HCRTR2: variants seen among roughly 807,000 people sequenced by gnomAD.
The protein encoded by HCRTR2 is orexin receptor type 2.
Under a neutral mutation model 49.0 loss-of-function variants are expected in HCRTR2, and 22 were observed. That is an observed-to-expected ratio of 0.45 (90% confidence interval 0.32 to 0.64). The LOEUF is 0.64. Ranked by LOEUF, HCRTR2 falls within the 30% of genes least tolerant of loss-of-function variation. HCRTR2 has a pLI of 0.04. For missense variants in HCRTR2, 491 were observed against 559.4 expected (o/e 0.88, Z 1.23); for synonymous variants, 236 against 205.3 (o/e 1.15, Z -1.28).
chr6:55,277,427 G>T lies in HCRTR2; in HGVS notation c.810G>T (p.Gln270His), dbSNP rs1057026621. 1 of 1,614,126 alleles carries T rather than the reference G, an allele frequency of 6.2e-7. No individual in the cohort carries two copies. The highest frequency in any genetic ancestry group is 2.2e-5 in the East Asian group (1 of 44,852). The change falls in exon 5 of 7, where the codon CAG becomes CAT. Residue 270 changes from glutamine to histidine, a missense_variant. By Grantham distance (24) the Gln-to-His change is conservative. Coordinates refer to ENST00000370862, the MANE Select transcript of HCRTR2 (RefSeq NM_001384272.1). ...TTCAGAGAAAATGGAAGCCCCTGCA[G>T]CCTGTTTCACAGCCTCGAGGGCCAG... ...SVVQRKWKPL[Q>H]PVSQPRGPGQ...
chr6:55,119,485 G>C (rs888929386), intron 1 of HCRTR2, among the ~76,000 whole-genome samples: 8 of 151,996 alleles, frequency 5.3e-5, no homozygotes, highest in Non-Finnish European at 1.0e-4. Context: ...TAACTGGCAT[G>C]GGATGGTATC....
chr6:55,122,733 A>T (rs1764218637), intron 1 of HCRTR2, among the ~76,000 whole-genome samples: 1 of 152,076 alleles, frequency 6.6e-6, no homozygotes, highest in Admixed American at 6.6e-5. Context: ...TCCAACAATG[A>T]TAGACTGGAT....
Position 55,174,655 on chromosome 6 carries a change from A to T in HCRTR2, c.68A>T (p.Glu23Val). ...RNWSSASELN[E>V]TQEPFLNPTD... is the part of the protein sequence containing the mutation. ...TGGTCATCTGCTTCGGAGCTGAATG[A>T]AACTCAAGAGCCCTTTTTAAACCCC... Residue 23 changes from glutamate (E) to valine (V), a missense_variant, in exon 1 of 7, where the codon GAA becomes GTA. Physicochemically the swap from Glu to Val is moderately radical, Grantham distance 121. Coordinates refer to ENST00000370862, the MANE Select transcript of HCRTR2 (RefSeq NM_001384272.1). The T allele has an allele frequency of 1.9e-6, 3 of 1,614,062 alleles. No homozygotes were observed. The highest frequency in any genetic ancestry group is 2.5e-6 in the Non-Finnish European group (3 of 1,179,992).
chr6:55,217,931 A>C (rs73437041), intron 1 of HCRTR2, among the ~76,000 whole-genome samples: 2,309 of 152,310 alleles, frequency 0.015, 64 homozygotes, highest in African/African-American at 0.053. Flanking sequence ...AGACAAAACC[A>C]ATGGGATATA....
chr6:55,143,763 G>A (rs372064951), intron 1 of HCRTR2, among the ~76,000 whole-genome samples: 1 of 152,098 alleles, frequency 6.6e-6, no homozygotes. Flanking sequence ...GGCATACTGC[G>A]GGGTTAGCAC....
At chr6:55,217,965 T>C (rs1765819777) in intron 1 of HCRTR2, among the ~76,000 whole-genome samples, 1 of 152,144 alleles carries the variant, frequency 6.6e-6, no homozygotes, top group Non-Finnish European at 1.5e-5. Flanking sequence ...GTTAGGGAAA[T>C]TGGCTCACAC....
Position 55,125,003 on chromosome 6 carries a change from T to A in HCRTR2, c.-378+18458T>A, listed in dbSNP as rs1259679950. 2.0e-5 allele frequency among the ~76,000 whole-genome samples: 3 copies of A among 152,168 alleles called. No homozygotes were observed. In the East Asian group the frequency reaches 5.8e-4, roughly 29 times the overall value. On this transcript the variant is annotated intron_variant, in intron 1 of 7. Coordinates refer to the HCRTR2 transcript ENST00000615358. The stretch of plus-strand genomic sequence containing the variant: ...CAAACCTTTATTTTGAGCCTATATG[T>A]GTCTTTGCACATGAGATGGGTCTCC...
chr6:55,199,724 TG>T (rs1450591156), intron 1 of HCRTR2, among the ~76,000 whole-genome samples: 5 of 152,154 alleles, frequency 3.3e-5, no homozygotes, highest in Admixed American at 2.6e-4. Context: ...AGTTGTAATT[TG>T]GGGAAAATTT....
At chr6:55,281,183 T>C (rs1767183274) in intron 6 of HCRTR2, among the ~76,000 whole-genome samples, 2 of 152,190 alleles carry the variant, frequency 1.3e-5, no homozygotes, top group South Asian at 4.1e-4. Flanking sequence ...TGTGGAAGAA[T>C]AGAAATTCAT....
intron 1 of HCRTR2, among the ~76,000 whole-genome samples, chr6:55,125,397 T>C (rs1010524144): frequency 1.3e-5 from 2 of 152,188 alleles, no homozygotes; most frequent in Non-Finnish European, 2.9e-5. Context: ...GATATAAAAT[T>C]CTGGGTTGAA....
intron 1 of HCRTR2, among the ~76,000 whole-genome samples, chr6:55,188,159 A>C (rs1765257400): frequency 6.6e-6 from 1 of 152,204 alleles, no homozygotes. Context: ...GCAAATTGAA[A>C]AAATATGACC....
At chr6:55,123,558 G>T (rs1290690233) in intron 1 of HCRTR2, among the ~76,000 whole-genome samples, 2 of 152,056 alleles carry the variant, frequency 1.3e-5, no homozygotes, top group African/African-American at 4.8e-5. Context: ...TCCCATCCAT[G>T]TTCATGAGGG....
intron 1 of HCRTR2, among the ~76,000 whole-genome samples, chr6:55,207,549 T>C (rs1765622569): frequency 6.6e-6 from 1 of 152,054 alleles, no homozygotes; most frequent in Non-Finnish European, 1.5e-5. Context: ...ATATTGACAG[T>C]TTTGTGGGAT....
chr6:55,153,034 T>A (rs9464201), intron 1 of HCRTR2, among the ~76,000 whole-genome samples: 1,749 of 152,150 alleles, frequency 0.011, 40 homozygotes, highest in African/African-American at 0.04. Context: ...CTTTTAAGTT[T>A]AAATCTAATT....
intron 1 of HCRTR2, among the ~76,000 whole-genome samples, chr6:55,183,242 G>C (rs1242465595): frequency 6.6e-6 from 1 of 152,112 alleles, no homozygotes; most frequent in Non-Finnish European, 1.5e-5. Flanking sequence ...CTCTGCTGGG[G>C]GATTAGAGAG....
intron 1 of HCRTR2, among the ~76,000 whole-genome samples, chr6:55,128,767 A>C (rs552130721): frequency 6.6e-6 from 1 of 152,290 alleles, no homozygotes; most frequent in African/African-American, 2.4e-5. Flanking sequence ...TGTAATCAGT[A>C]GGAAGAATAG....
upstream of HCRTR2, among the ~76,000 whole-genome samples, chr6:55,170,040 A>G (rs969338357): frequency 3.6e-5 from 1 of 27,530 alleles, no homozygotes; most frequent in African/African-American, 1.5e-4. Context: ...ACCTACCTAT[A>G]ACCACCAAGA....
At chr6:55,273,632 A>G (rs921870861) in intron 4 of HCRTR2, among the ~76,000 whole-genome samples, 1 of 152,056 alleles carries the variant, frequency 6.6e-6, no homozygotes, top group Non-Finnish European at 1.5e-5. Flanking sequence ...TAAAGAATAT[A>G]TATTTTTAAA....
intron 1 of HCRTR2, among the ~76,000 whole-genome samples, chr6:55,153,734 G>A (rs1764693721): frequency 6.6e-6 from 1 of 151,662 alleles, no homozygotes; most frequent in Non-Finnish European, 1.5e-5. Flanking sequence ...CAAAACTAGG[G>A]AAAACAGACA....
Sources: gnomAD v4.1 joint callset for allele counts (sites outside exome capture counted in the v4.1 genomes callset) on GRCh38, gnomAD v4.1.1 for gene constraint, MANE v1.5 for transcripts, NCBI Gene and HGNC (gene_info 2026-07-23, HGNC 2026-07-21) for gene names.